PCDH17: variants seen among roughly 807,000 people sequenced by gnomAD.
PCDH17 encodes protocadherin-17.
In PCDH17, 21 loss-of-function variants were observed where a neutral mutation model predicts 67.7. The ratio of observed to expected loss-of-function variants is 0.31; its 90% CI spans 0.22 to 0.45. The LOEUF (loss-of-function observed/expected upper bound fraction) is 0.45. PCDH17 is among the 20% of genes least tolerant of loss of function. The pLI is 1.00. For missense variants in PCDH17, 1,471 were observed against 1,564.8 expected, an observed-to-expected ratio of 0.94 and a Z score of 1.01; for synonymous variants, 701 against 656.7, an observed-to-expected ratio of 1.07 and a Z score of -1.03.
In PCDH17 at chr13:57,633,357, G is replaced by A; in HGVS notation, c.811G>A (p.Asp271Asn). ...VVIDLNATDA[D>N]EGPNGEVLYS... Reference sequence around the variant, plus strand: ...CATCGATCTGAACGCCACCGACGCCGATGAAGGTCCCAATGGTGAAGTGCT... The same window carrying A: ...CATCGATCTGAACGCCACCGACGCCAATGAAGGTCCCAATGGTGAAGTGCT... Residue 271 changes from aspartate (D) to asparagine (N), a missense_variant, in exon 1 of 4, where the codon GAT (aspartate) becomes AAT (asparagine). This residue lies in a region of PCDH17 where 1,163 missense variants were observed against 1,230.0 expected (regional missense o/e 0.95). Transcript: ENST00000377918. The surrounding 1 kb of genome is among the most constrained non-coding windows in gnomAD (Gnocchi z 6.2). 1 of 1,613,274 alleles carries A rather than the reference G, an allele frequency of 6.2e-7. No individual in the cohort carries two copies. Among genetic ancestry groups the A allele is most frequent in the Non-Finnish European group, 8.5e-7 (1 of 1,180,028 alleles).
At chr13:57,710,070 A>G (rs1169871763) in intron 3 of PCDH17, among the ~76,000 whole-genome samples, 1 of 151,928 alleles carries the variant, frequency 6.6e-6, no homozygotes, top group Non-Finnish European at 1.5e-5. Flanking sequence ...TCTACCACTT[A>G]TATTAATTTC....
chr13:57,633,368 C>G lies in PCDH17; in HGVS notation c.822C>G (p.Pro274=). ...ACGCCACCGACGCCGATGAAGGTCCCAATGGTGAAGTGCTCTACTCTTTCA... is the reference window on the plus strand; with the variant it reads ...ACGCCACCGACGCCGATGAAGGTCCGAATGGTGAAGTGCTCTACTCTTTCA... ...DLNATDADEG[P]NGEVLYSFSS... is the part of the protein sequence containing the mutation. The change falls in exon 1 of 4, where the codon CCC becomes CCG. Residue 274 remains proline, a synonymous_variant. Transcript: ENST00000377918. This position sits in a 1 kb window ranked among gnomAD's most constrained non-coding sequence, Gnocchi z 6.2. 1 of 1,613,296 alleles carries G rather than the reference C, an allele frequency of 6.2e-7. No homozygotes were observed. The highest frequency in any genetic ancestry group is 2.2e-5 in the East Asian group (1 of 44,848).
At chr13:57,631,690 G>A (rs890302397), upstream of PCDH17, 1 of 152,692 alleles carries the variant, frequency 6.5e-6, no homozygotes, top group Admixed American at 6.5e-5. Flanking sequence ...GGAAGAGAGG[G>A]AGGAGCCTGG....
chr13:57,692,971 A>C (rs1955572813), intron 3 of PCDH17, among the ~76,000 whole-genome samples: 1 of 150,944 alleles, frequency 6.6e-6, no homozygotes, highest in Non-Finnish European at 1.5e-5. Flanking sequence ...TAGATATAAG[A>C]AGTATAAAGA....
Position 57,711,431 on chromosome 13 carries a change from G to A in PCDH17, c.2798-13181G>A, listed in dbSNP as rs534255689. The stretch of plus-strand genomic sequence containing the variant: ...TCAGAGATTGTTGTCTTTAGGCAAG[G>A]CCCCTTCTATTCATTTCCATCTGGT... On this transcript the variant is annotated intron_variant, in intron 3 of 3. Coordinates refer to ENST00000377918, the MANE Select transcript of PCDH17 (RefSeq NM_001040429.3). Among the ~76,000 whole-genome samples, 3 of 151,856 alleles carry A rather than the reference G, an allele frequency of 2.0e-5. No homozygotes were observed. In the South Asian group the frequency reaches 6.2e-4, roughly 31 times the overall value.
chr13:57,664,916 G>T (rs1340473505), intron 1 of PCDH17, among the ~76,000 whole-genome samples: 1 of 152,046 alleles, frequency 6.6e-6, no homozygotes, highest in African/African-American at 2.4e-5. Context: ...CTGATATTTT[G>T]TCATTATGGA....
intron 3 of PCDH17, among the ~76,000 whole-genome samples, chr13:57,722,979 GA>G (rs567509582): frequency 4.6e-5 from 7 of 151,748 alleles, no homozygotes; most frequent in Admixed American, 2.0e-4. Context: ...AGAGGCTTCT[GA>G]AAAAAAATAA....
At chr13:57,693,156 C>G (rs1367000170) in intron 3 of PCDH17, among the ~76,000 whole-genome samples, 2 of 149,836 alleles carry the variant, frequency 1.3e-5, no homozygotes. Flanking sequence ...TTTCAAATAC[C>G]AAGAAAGTTA....
At chr13:57,640,733 T>G (rs1012423206) in intron 1 of PCDH17, among the ~76,000 whole-genome samples, 6 of 151,952 alleles carry the variant, frequency 3.9e-5, no homozygotes, top group Non-Finnish European at 1.5e-5. Flanking sequence ...GCTGGAAGCA[T>G]GTGAGAATGT....
Position 57,635,088 on chromosome 13 carries a change from G to A in PCDH17, c.2542G>A (p.Ala848Thr), listed in dbSNP as rs1469976398. ...GQGTNASETP[A>T]TRMSIIQTDN... ...AGGGACTAATGCAAGCGAGACCCCT[G>A]CCACTCGGATGTCCATAATTCAGGT... The change falls in exon 1 of 4, where the codon GCC (alanine) becomes ACC (threonine). Residue 848 changes from alanine to threonine, a missense_variant. Physicochemically the swap from Ala to Thr is moderately conservative, Grantham distance 58. Coordinates refer to ENST00000377918, the MANE Select transcript of PCDH17 (RefSeq NM_001040429.3). 2 of 1,613,422 alleles carry A rather than the reference G, an allele frequency of 1.2e-6. No individual in the cohort carries two copies. The highest frequency in any genetic ancestry group is 1.1e-5 in the South Asian group (1 of 91,056).
At chr13:57,672,713 T>A (rs549113613) in intron 3 of PCDH17, among the ~76,000 whole-genome samples, 2 of 152,088 alleles carry the variant, frequency 1.3e-5, no homozygotes, top group African/African-American at 2.4e-5. Flanking sequence ...GTAGTAGAAC[T>A]GTTTCTTTCT....
intron 3 of PCDH17, among the ~76,000 whole-genome samples, chr13:57,675,831 T>A (rs1955385838): frequency 6.6e-6 from 1 of 151,796 alleles, no homozygotes; most frequent in South Asian, 2.1e-4. Context: ...AAAGAGATGA[T>A]GTTTCTGGCA....
rs551060189 is a variant in PCDH17 at position 57,658,353 on chromosome 13, G to A, written c.2566-8115G>A. Among the ~76,000 whole-genome samples, 6 of 152,012 alleles carry A rather than the reference G, an allele frequency of 3.9e-5. 1 individual carries two copies. In the South Asian group the frequency reaches 8.3e-4, roughly 21 times the overall value. ...TCTCTCTTTCAGGATCAAAATTAAC[G>A]TGAGGCAAGGGAGGTAGTTAAGGCA... On this transcript the variant is annotated intron_variant, in intron 1 of 3. Transcript: ENST00000377918.
intron 3 of PCDH17, among the ~76,000 whole-genome samples, chr13:57,713,065 C>T (rs1197695788): frequency 6.6e-6 from 1 of 151,620 alleles, no homozygotes; most frequent in Non-Finnish European, 1.5e-5. Context: ...ATAGCCCTCT[C>T]CAGTAGCTTT....
intron 1 of PCDH17, among the ~76,000 whole-genome samples, chr13:57,644,487 C>G (rs1270797817): frequency 6.6e-6 from 1 of 151,506 alleles, no homozygotes; most frequent in Admixed American, 6.6e-5. Context: ...AGTTCCCCAT[C>G]TCAAAACTCA....
At chr13:57,708,832 T>C (rs12583390) in intron 3 of PCDH17, among the ~76,000 whole-genome samples, 31,995 of 151,778 alleles carry the variant, frequency 0.21, 3,901 homozygotes, top group East Asian at 0.53. Context: ...AGGCATTTTT[T>C]GTTGGCAAGA....
chr13:57,695,565 T>C (rs1231174141), intron 3 of PCDH17, among the ~76,000 whole-genome samples: 1 of 151,216 alleles, frequency 6.6e-6, no homozygotes, highest in Non-Finnish European at 1.5e-5. Flanking sequence ...AATGTATTTA[T>C]TCTAGCTATT....
chr13:57,633,952 C>T lies in PCDH17; in HGVS notation c.1406C>T (p.Pro469Leu). The stretch of plus-strand genomic sequence containing the variant: ...AAGATTCTAGACGAGAACGACAACC[C>T]GCCTCGGTTCACCAAAGGGCTCTAC... ...AIKILDENDN[P>L]PRFTKGLYVL... is the part of the protein sequence containing the mutation. Residue 469 changes from proline to leucine, a missense_variant, in exon 1 of 4, where the codon CCG becomes CTG. By Grantham distance (98) the Pro-to-Leu change is moderately conservative. Coordinates refer to ENST00000377918, the MANE Select transcript of PCDH17 (RefSeq NM_001040429.3). The surrounding 1 kb of genome is among the most constrained non-coding windows in gnomAD (Gnocchi z 6.2). The T allele has an allele frequency of 6.2e-7, 1 of 1,613,566 alleles. No homozygotes were observed. The highest frequency in any genetic ancestry group is 8.5e-7 in the Non-Finnish European group (1 of 1,180,026).
intron 3 of PCDH17, among the ~76,000 whole-genome samples, chr13:57,668,026 G>A (rs1234453702): frequency 2.0e-5 from 3 of 151,380 alleles, no homozygotes; most frequent in Non-Finnish European, 4.4e-5. Flanking sequence ...TTGCTAGACC[G>A]ATGACTTTTT....
Sources: allele counts gnomAD v4.1 joint callset (sites outside exome capture counted in the v4.1 genomes callset), GRCh38; gene constraint gnomAD v4.1.1; regional missense constraint gnomAD v4.1.1; non-coding constraint Gnocchi (gnomAD v3.1); transcripts MANE v1.5; gene names NCBI Gene and HGNC (gene_info 2026-07-23, HGNC 2026-07-21).